Variants in PTPRR observed in about 807,000 individuals in gnomAD.
The protein encoded by PTPRR is protein tyrosine phosphatase receptor type R, also known as receptor-type tyrosine-protein phosphatase R.
A neutral mutation model predicts 77.2 loss-of-function variants in PTPRR; 38 were observed. That is an observed-to-expected ratio of 0.49 (90% CI 0.38 to 0.65). The LOEUF is 0.65. PTPRR is among the 30% of genes least tolerant of loss of function. The probability of loss-of-function intolerance (pLI) is 0.00; values close to 1 mark genes in which losing one functional copy is unlikely to be tolerated. For missense variants in PTPRR, 744 were observed against 799.2 expected (o/e 0.93, Z 0.83); for synonymous variants, 299 against 283.1 (o/e 1.06, Z -0.57).
intron 6 of PTPRR, among the ~76,000 whole-genome samples, chr12:70,732,462 C>T (rs1367057837): frequency 6.6e-6 from 1 of 152,240 alleles, no homozygotes; most frequent in Non-Finnish European, 1.5e-5. Flanking sequence ...AGCACAGCTC[C>T]AAGGGGCTCC....
intron 2 of PTPRR, among the ~76,000 whole-genome samples, chr12:70,787,622 C>CT (rs11390092): frequency 0.86 from 130,642 of 152,096 alleles, 56,348 homozygotes; most frequent in East Asian, 0.94. Flanking sequence ...CTAAATCCTG[C>CT]TGGAAATTCT....
intron 10 of PTPRR, among the ~76,000 whole-genome samples, chr12:70,675,141 A>G (rs1340688036): frequency 6.6e-6 from 1 of 151,836 alleles, no homozygotes; most frequent in East Asian, 1.9e-4. Flanking sequence ...ATCTAACTTG[A>G]CTTTTGATTA....
chr12:70,693,445 C>T (rs1006606470), intron 8 of PTPRR, among the ~76,000 whole-genome samples: 1 of 152,010 alleles, frequency 6.6e-6, no homozygotes, highest in Non-Finnish European at 1.5e-5. Context: ...CACACATGTG[C>T]ACCACCATGC....
intron 9 of PTPRR, 86 bp downstream of exon 9, chr12:70,684,618 G>T: frequency 2.1e-6 from 2 of 960,384 alleles, no homozygotes; most frequent in Non-Finnish European, 3.1e-6. Context: ...GTTAAACCAA[G>T]CTTAATCTAC....
At chr12:70,669,266 C>T (rs563327112) in intron 10 of PTPRR, among the ~76,000 whole-genome samples, 2 of 151,932 alleles carry the variant, frequency 1.3e-5, no homozygotes, top group African/African-American at 2.4e-5. Flanking sequence ...CCAGAAGTCT[C>T]CAACATTTAT....
chr12:70,815,779 C>G (rs919949524), intron 2 of PTPRR, among the ~76,000 whole-genome samples: 6 of 152,290 alleles, frequency 3.9e-5, no homozygotes, highest in African/African-American at 1.4e-4. Context: ...ATTCATTTAA[C>G]ACACATTTGA....
At chr12:70,683,379 G>A (rs989482579) in intron 10 of PTPRR, among the ~76,000 whole-genome samples, 1 of 152,122 alleles carries the variant, frequency 6.6e-6, no homozygotes, top group African/African-American at 2.4e-5. Context: ...TACAGAATAA[G>A]TATTCTGCAA....
At chr12:70,735,293 GA>G (rs1007034161) in intron 6 of PTPRR, among the ~76,000 whole-genome samples, 5 of 152,156 alleles carry the variant, frequency 3.3e-5, no homozygotes, top group African/African-American at 1.2e-4. Flanking sequence ...AATCTATAAG[GA>G]AAAAGAGGTT....
intron 2 of PTPRR, among the ~76,000 whole-genome samples, chr12:70,765,510 G>C (rs1162667974): frequency 1.3e-5 from 2 of 152,212 alleles, no homozygotes; most frequent in East Asian, 3.9e-4. Context: ...CAGCCGGGAA[G>C]CTCCAACTGG....
chr12:70,693,632 A>C (rs1323253980), intron 8 of PTPRR, among the ~76,000 whole-genome samples: 2 of 152,178 alleles, frequency 1.3e-5, no homozygotes, highest in African/African-American at 4.8e-5. Context: ...TACAAATGCA[A>C]GAATACAACA....
chr12:70,654,723 TAA>T (rs1346255220), intron 13 of PTPRR, among the ~76,000 whole-genome samples: 1 of 152,248 alleles, frequency 6.6e-6, no homozygotes, highest in East Asian at 1.9e-4. Flanking sequence ...ATATAAATTC[TAA>T]GAGAGCAGAA....
intron 2 of PTPRR, among the ~76,000 whole-genome samples, chr12:70,824,472 G>A (rs1308253790): frequency 6.6e-6 from 1 of 152,132 alleles, no homozygotes; most frequent in Non-Finnish European, 1.5e-5. Context: ...AGGCTACTGT[G>A]AAGGAATTAA....
At chr12:70,844,677 G>T (rs1049978459) in intron 2 of PTPRR, among the ~76,000 whole-genome samples, 2 of 152,062 alleles carry the variant, frequency 1.3e-5, no homozygotes, top group African/African-American at 2.4e-5. Context: ...ACTATATTTG[G>T]ACTTGACTTA....
intron 5 of PTPRR, among the ~76,000 whole-genome samples, chr12:70,749,954 T>C (rs1387192802): frequency 5.3e-5 from 8 of 152,370 alleles, no homozygotes; most frequent in African/African-American, 1.9e-4. Flanking sequence ...TTTGTTCAAG[T>C]TTAAGAACTA....
At chr12:70,679,332 T>A (rs1467467034) in intron 10 of PTPRR, among the ~76,000 whole-genome samples, 1 of 152,194 alleles carries the variant, frequency 6.6e-6, no homozygotes, top group Non-Finnish European at 1.5e-5. Context: ...TTAAGGCTTG[T>A]CTTGTGCTGT....
intron 2 of PTPRR, among the ~76,000 whole-genome samples, chr12:70,857,767 A>G (rs2137075586): frequency 6.6e-6 from 1 of 152,276 alleles, no homozygotes; most frequent in Non-Finnish European, 1.5e-5. Flanking sequence ...AGTTTACCCT[A>G]GGGAGACAGG....
At chr12:70,729,205 T>C (rs1358742596) in intron 6 of PTPRR, among the ~76,000 whole-genome samples, 2 of 152,224 alleles carry the variant, frequency 1.3e-5, no homozygotes, top group African/African-American at 4.8e-5. Context: ...TAAACTTAAA[T>C]GTATTTAAAC....
At chr12:70,860,431 A>T (rs1892732237) in intron 2 of PTPRR, among the ~76,000 whole-genome samples, 1 of 152,122 alleles carries the variant, frequency 6.6e-6, no homozygotes, top group Non-Finnish European at 1.5e-5. Flanking sequence ...GCCCATGGAC[A>T]TTTCAGAAAT....
chr12:70,640,900 G>A (rs1885973621), intron 13 of PTPRR, among the ~76,000 whole-genome samples: 1 of 152,136 alleles, frequency 6.6e-6, no homozygotes, highest in Non-Finnish European at 1.5e-5. Context: ...AAATAAAGAG[G>A]TAAATTCACA....
Sources: gnomAD v4.1 joint callset for allele counts (sites outside exome capture counted in the v4.1 genomes callset) on GRCh38, gnomAD v4.1.1 for gene constraint, MANE v1.5 for transcripts, NCBI Gene and HGNC (gene_info 2026-07-23, HGNC 2026-07-21) for gene names.